The following CTNNA3 variants were observed in gnomAD, a reference collection of about 807,000 sequenced individuals.
CTNNA3 encodes the protein catenin alpha 3, also known as catenin alpha-3.
A neutral mutation model predicts 95.7 loss-of-function variants in CTNNA3; 76 were observed. The observed-to-expected ratio is 0.79, with a 90% confidence interval of 0.66 to 0.96. The LOEUF is 0.96. CTNNA3 is among the 40% of genes least tolerant of loss of function. The pLI is 0.00. For synonymous variants in CTNNA3, 431 were observed against 374.4 expected (o/e 1.15, Z -1.74); for missense variants, 1,191 against 1,089.8 (o/e 1.09, Z -1.31).
At chr10:67,705,101 T>A (rs1394800114) in intron 1 of CTNNA3, among the ~76,000 whole-genome samples, 3 of 152,100 alleles carry the variant, frequency 2.0e-5, no homozygotes, top group Non-Finnish European at 4.4e-5. Context: ...CCAGTTAGAA[T>A]GGTGATCATT....
At chr10:66,994,856 T>A (rs1243589328) in intron 7 of CTNNA3, among the ~76,000 whole-genome samples, 4 of 152,154 alleles carry the variant, frequency 2.6e-5, no homozygotes, top group Non-Finnish European at 5.9e-5. Flanking sequence ...TTATTTAAAA[T>A]CTGCCAAATG....
chr10:66,517,149 G>C (rs1840889800), intron 11 of CTNNA3, among the ~76,000 whole-genome samples: 1 of 151,954 alleles, frequency 6.6e-6, no homozygotes. Context: ...TTGAATCCGG[G>C]AGGTGGAGTT....
At chr10:67,141,458 T>C (rs1589786876) in intron 7 of CTNNA3, among the ~76,000 whole-genome samples, 1 of 152,270 alleles carries the variant, frequency 6.6e-6, no homozygotes, top group African/African-American at 2.4e-5. Flanking sequence ...GCTGTGCCAT[T>C]ATCCCCGGGA....
chr10:67,292,875 T>G (rs1180329460), intron 5 of CTNNA3, among the ~76,000 whole-genome samples: 2 of 152,154 alleles, frequency 1.3e-5, no homozygotes, highest in African/African-American at 2.4e-5. Flanking sequence ...GTATCACAAT[T>G]AATGTTTTCT....
At chr10:67,276,609 A>G (rs1839188573) in intron 5 of CTNNA3, among the ~76,000 whole-genome samples, 1 of 152,154 alleles carries the variant, frequency 6.6e-6, no homozygotes, top group South Asian at 2.1e-4. Flanking sequence ...TATATAAAAT[A>G]CAAAGAGAAA....
At chr10:67,351,184 G>C (rs1030139236) in intron 5 of CTNNA3, among the ~76,000 whole-genome samples, 1 of 151,890 alleles carries the variant, frequency 6.6e-6, no homozygotes, top group Non-Finnish European at 1.5e-5. Context: ...AGATGAGTGG[G>C]TGTCAGGTGT....
At chr10:66,191,691 G>A (rs531360982) in intron 13 of CTNNA3, among the ~76,000 whole-genome samples, 9 of 151,726 alleles carry the variant, frequency 5.9e-5, no homozygotes, top group African/African-American at 2.2e-4. Context: ...CAGATTCTGA[G>A]ACATTCTTTC....
intron 12 of CTNNA3, among the ~76,000 whole-genome samples, chr10:66,338,985 T>C (rs1372983375): frequency 6.6e-6 from 1 of 151,886 alleles, no homozygotes; most frequent in Non-Finnish European, 1.5e-5. Flanking sequence ...ATCACTACAT[T>C]CACATAGTGA....
At position 67,070,704 on chromosome 10, in the gene CTNNA3, G is replaced by A. The variant is rs571263397; in HGVS notation, c.1047+109613C>T. On this transcript the variant is annotated intron_variant, in intron 7 of 17. Transcript: ENST00000433211. ...GGAGGTTGCAGGGAGCTGAGGTCAC[G>A]CCACTGCACTCCAGCCTGGCAACAG... 2.6e-4 allele frequency among the ~76,000 whole-genome samples: 39 copies of A among 151,346 alleles called. 1 individual carries two copies. In the South Asian group the frequency reaches 7.5e-3, roughly 29 times the overall value.
intron 7 of CTNNA3, among the ~76,000 whole-genome samples, chr10:66,962,512 C>T (rs1221223112): frequency 1.3e-5 from 2 of 151,754 alleles, no homozygotes; most frequent in Non-Finnish European, 2.9e-5. Flanking sequence ...CGGGTTCAAG[C>T]GATTCTCCTG....
At chr10:66,850,345 C>A (rs1005164886) in intron 7 of CTNNA3, among the ~76,000 whole-genome samples, 1 of 152,078 alleles carries the variant, frequency 6.6e-6, no homozygotes, top group Non-Finnish European at 1.5e-5. Context: ...CTATGGGACA[C>A]ATAAGATTGT....
At chr10:67,364,814 C>T (rs564581054) in intron 5 of CTNNA3, among the ~76,000 whole-genome samples, 1 of 152,166 alleles carries the variant, frequency 6.6e-6, no homozygotes, top group African/African-American at 2.4e-5. Context: ...GTAATTTATA[C>T]ATTCAATGCC....
intron 13 of CTNNA3, among the ~76,000 whole-genome samples, chr10:66,270,031 T>G (rs1213848330): frequency 2.0e-5 from 3 of 152,162 alleles, no homozygotes; most frequent in Non-Finnish European, 4.4e-5. Flanking sequence ...ATCAAGCAAA[T>G]TTAATTCTTT....
chr10:66,492,909 C>T (rs2131940456), intron 11 of CTNNA3, among the ~76,000 whole-genome samples: 1 of 152,152 alleles, frequency 6.6e-6, no homozygotes, highest in Non-Finnish European at 1.5e-5. Flanking sequence ...CATTTTTTTC[C>T]TGTCATCTGA....
At chr10:66,035,696 G>A (rs1331206596) in intron 15 of CTNNA3, among the ~76,000 whole-genome samples, 1 of 151,694 alleles carries the variant, frequency 6.6e-6, no homozygotes, top group Non-Finnish European at 1.5e-5. Flanking sequence ...ACTTTGGGGG[G>A]GTTTCTTGGC....
chr10:67,596,279 T>G (rs1842929822), intron 3 of CTNNA3, among the ~76,000 whole-genome samples: 2 of 152,192 alleles, frequency 1.3e-5, no homozygotes. Context: ...TTTGTTTCCA[T>G]GTTTAGCACT....
rs556428027 is a variant in CTNNA3 at position 65,989,722 on chromosome 10, A to G, written c.2160-925T>C. ...AGTATTATTTCTATTTGTTGAAAAT[A>G]TTTGAAGTCTTCTCTTCTAGCTATT... On this transcript the variant is annotated intron_variant, in intron 15 of 17. Coordinates refer to ENST00000433211, the MANE Select transcript of CTNNA3 (RefSeq NM_013266.4). 4.6e-5 allele frequency among the ~76,000 whole-genome samples: 7 copies of G among 152,316 alleles called. No homozygotes were observed. The South Asian group carries it at 1.0e-3, about 23-fold the overall frequency.
At chr10:67,183,470 A>G (rs1291650451) in intron 6 of CTNNA3, among the ~76,000 whole-genome samples, 1 of 151,712 alleles carries the variant, frequency 6.6e-6, no homozygotes, top group Non-Finnish European at 1.5e-5. Flanking sequence ...GCTCTCACTC[A>G]TAGGTGGGAA....
chr10:66,960,538 T>C (rs1052856676), intron 7 of CTNNA3, among the ~76,000 whole-genome samples: 1 of 152,130 alleles, frequency 6.6e-6, no homozygotes, highest in Non-Finnish European at 1.5e-5. Flanking sequence ...ATATGTAGCA[T>C]GAAAATACAA....
Sources: gnomAD v4.1 joint callset for allele counts (sites outside exome capture counted in the v4.1 genomes callset) on GRCh38, gnomAD v4.1.1 for gene constraint, MANE v1.5 for transcripts, NCBI Gene and HGNC (gene_info 2026-07-23, HGNC 2026-07-21) for gene names.